Variants in ZDHHC7 observed in about 807,000 individuals in gnomAD.
ZDHHC7 encodes palmitoyltransferase ZDHHC7.
A neutral mutation model predicts 34.1 loss-of-function variants in ZDHHC7; 12 were observed. The observed-to-expected ratio is 0.35, with a 90% CI of 0.23 to 0.57. The LOEUF (loss-of-function observed/expected upper bound fraction) is 0.57, where lower values mean the gene tolerates loss of function less well. Among genes scored for constraint, ZDHHC7 ranks in the 20% least tolerant of loss-of-function variants. ZDHHC7 has a pLI of 0.84. For synonymous variants in ZDHHC7, 185 were observed against 155.4 expected (o/e 1.19, Z -1.42); for missense variants, 388 against 402.7 (o/e 0.96, Z 0.31).
intron 3 of ZDHHC7, among the ~76,000 whole-genome samples, chr16:84,987,310 T>G (rs1427569854): frequency 1.3e-5 from 2 of 152,196 alleles, no homozygotes; most frequent in Non-Finnish European, 2.9e-5. Flanking sequence ...ATGCTCAACA[T>G]CGTTGGTCAT....
Position 85,003,258 on chromosome 16 carries a change from G to A in ZDHHC7, c.-103-7251C>T, listed in dbSNP as rs368015746. Among the ~76,000 whole-genome samples, 889 of 152,290 alleles carry A rather than the reference G, an allele frequency of 5.8e-3. 2 individuals are homozygous for A. Among genetic ancestry groups the A allele is most frequent in the South Asian group, 0.013 (61 of 4,826 alleles). On this transcript the variant is annotated intron_variant, in intron 1 of 7. Transcript: ENST00000313732. The stretch of plus-strand genomic sequence containing the variant: ...GGGGCAGGACTGAGGCTGGGTCCAG[G>A]GGGGCGCTGTAAGATCCGGAGGCAG...
chr16:84,989,562 G>A (rs901826047), intron 3 of ZDHHC7, among the ~76,000 whole-genome samples: 3 of 151,964 alleles, frequency 2.0e-5, no homozygotes, highest in Non-Finnish European at 2.9e-5. Flanking sequence ...AGGCATGGTG[G>A]TGCATGCCTG....
the ZDHHC7 span, among the ~76,000 whole-genome samples, chr16:85,018,310 G>C: frequency 1.1e-3 from 166 of 152,312 alleles, 1 homozygote; most frequent in African/African-American, 3.7e-3. Flanking sequence ...TAGGAAGACA[G>C]GGCAAGGCAG....
In ZDHHC7 at chr16:84,990,485, C is replaced by G. The variant is rs1311330608; in HGVS notation, c.134G>C (p.Gly45Ala). The change falls in exon 3 of 8, where the codon GGC (glycine) becomes GCC (alanine). Residue 45 changes from glycine to alanine, a missense_variant. By Grantham distance (60) the Gly-to-Ala change is moderately conservative. Coordinates refer to ENST00000313732, the MANE Select transcript of ZDHHC7 (RefSeq NM_017740.3). ...CATGACAGCACAGATCATGCCGCAG[C>G]CGTCACGGATGAACCAGACCCGGTC... ...VADRVWFIRD[G>A]CGMICAVMTW... 4 of 1,614,066 alleles carry G rather than the reference C, an allele frequency of 2.5e-6. No individual in the cohort carries two copies. The highest frequency in any genetic ancestry group is 1.7e-5 in the Admixed American group (1 of 60,000).
At chr16:84,999,046 T>C (rs547051912) in intron 1 of ZDHHC7, among the ~76,000 whole-genome samples, 1 of 152,326 alleles carries the variant, frequency 6.6e-6, no homozygotes, top group Admixed American at 6.5e-5. Flanking sequence ...TGAGCCACCG[T>C]GCCCAGCCTA....
At chr16:84,978,770 G>C (rs2072330472) in intron 5 of ZDHHC7, among the ~76,000 whole-genome samples, 1 of 150,992 alleles carries the variant, frequency 6.6e-6, no homozygotes, top group Admixed American at 6.6e-5. Flanking sequence ...GCTGAAGCAA[G>C]AGAATCACTT....
chr16:85,007,971 CG>C (rs1235388357), intron 1 of ZDHHC7, among the ~76,000 whole-genome samples: 1 of 151,974 alleles, frequency 6.6e-6, no homozygotes, highest in East Asian at 1.9e-4. Context: ...AAAAATAAGC[CG>C]GACAGGGTGG....
At chr16:85,022,173 G>T in the ZDHHC7 span, among the ~76,000 whole-genome samples, 1 of 149,940 alleles carries the variant, frequency 6.7e-6, no homozygotes, top group African/African-American at 2.5e-5. Context: ...AAAAAAAAAG[G>T]GCAAAGACAG....
At chr16:85,006,124 G>A (rs2072713939) in intron 1 of ZDHHC7, among the ~76,000 whole-genome samples, 1 of 152,154 alleles carries the variant, frequency 6.6e-6, no homozygotes, top group Admixed American at 6.5e-5. Flanking sequence ...AGTGCTTTGA[G>A]AGGCAAAGGC....
intron 3 of ZDHHC7, among the ~76,000 whole-genome samples, chr16:84,985,952 CAAAAAAAAAA>C (rs58315276): frequency 1.7e-4 from 9 of 54,028 alleles, no homozygotes; most frequent in Middle Eastern, 0.015. Flanking sequence ...GAGACTGTCT[CAAAAAAAAAA>C]AAAAAAAAAA....
chr16:84,979,880 T>G (rs1464966268), intron 4 of ZDHHC7, among the ~76,000 whole-genome samples: 1 of 151,822 alleles, frequency 6.6e-6, no homozygotes, highest in African/African-American at 2.4e-5. Context: ...GCTTGCACCA[T>G]TTAATTACAT....
the ZDHHC7 span, among the ~76,000 whole-genome samples, chr16:85,021,840 C>G: frequency 2.6e-5 from 4 of 151,696 alleles, no homozygotes; most frequent in African/African-American, 9.7e-5. Context: ...CCTCCAGCTG[C>G]TTTGTGGAGG....
chr16:84,979,990 T>C (rs1445679526), intron 4 of ZDHHC7, among the ~76,000 whole-genome samples: 1 of 144,922 alleles, frequency 6.9e-6, no homozygotes, highest in Non-Finnish European at 1.5e-5. Flanking sequence ...AGTCTTGCTC[T>C]GTCGCCCAGG....
chr16:85,015,381 G>A (rs1031817684), upstream of ZDHHC7, among the ~76,000 whole-genome samples: 1 of 152,068 alleles, frequency 6.6e-6, no homozygotes, highest in Admixed American at 6.6e-5. Context: ...GATTACAGAT[G>A]TGAGCCACCA....
intron 2 of ZDHHC7, 46 bp from the exon 3 acceptor site, chr16:84,990,681 C>CGGCCGGGCGCGGTGGCTCACGCCTGT: frequency 1.3e-6 from 2 of 1,510,776 alleles, no homozygotes; most frequent in Admixed American, 1.8e-5. Flanking sequence ...AAAAAGCTCA[C>CGGCCGGGCGCGGTGGCTCACGCCTGT]AAGCTACCTT....
At chr16:84,994,125 G>A (rs754415939) in intron 2 of ZDHHC7, among the ~76,000 whole-genome samples, 1 of 152,242 alleles carries the variant, frequency 6.6e-6, no homozygotes, top group Non-Finnish European at 1.5e-5. Context: ...AGCTCTTGCA[G>A]GTCCGACCTC....
At chr16:84,990,949 C>T (rs75245422) in intron 2 of ZDHHC7, among the ~76,000 whole-genome samples, 4,232 of 152,232 alleles carry the variant, frequency 0.028, 204 homozygotes, top group African/African-American at 0.096. Flanking sequence ...CTGGGTTCCC[C>T]GGCAGCGTGG....
At chr16:85,025,763 T>A in the ZDHHC7 span, among the ~76,000 whole-genome samples, 1 of 152,342 alleles carries the variant, frequency 6.6e-6, no homozygotes, top group East Asian at 1.9e-4. Context: ...ACTGAAAGAA[T>A]ACTGGGAAAT....
At chr16:85,002,368 C>T (rs1254984407) in intron 1 of ZDHHC7, among the ~76,000 whole-genome samples, 1 of 152,108 alleles carries the variant, frequency 6.6e-6, no homozygotes, top group African/African-American at 2.4e-5. Flanking sequence ...GCCAGGTGTT[C>T]AAGGCCACAT....
Sources: gnomAD v4.1 joint callset for allele counts (sites outside exome capture counted in the v4.1 genomes callset) on GRCh38, gnomAD v4.1.1 for gene constraint, MANE v1.5 for transcripts, NCBI Gene and HGNC (gene_info 2026-07-23, HGNC 2026-07-21) for gene names.